Variants in TMC5 observed in about 807,000 individuals in gnomAD.
The protein encoded by TMC5 is transmembrane channel like 5.
Under a neutral mutation model 110.5 loss-of-function variants are expected in TMC5, and 86 were observed. The ratio of observed to expected loss-of-function variants is 0.78; its 90% CI spans 0.65 to 0.93. The LOEUF (loss-of-function observed/expected upper bound fraction) is 0.93, where lower values mean the gene tolerates loss of function less well. Ranked by LOEUF, TMC5 falls within the 40% of genes least tolerant of loss-of-function variation. The pLI, the probability that TMC5 is intolerant of heterozygous loss-of-function variation, is 0.00. For missense variants in TMC5, 1,144 were observed against 1,222.8 expected (o/e 0.94, Z 0.96); for synonymous variants, 455 against 439.5 (o/e 1.04, Z -0.44).
chr16:19,430,983 T>G (rs2010127), intron 2 of TMC5, among the ~76,000 whole-genome samples: 2 of 151,666 alleles, frequency 1.3e-5, no homozygotes, highest in African/African-American at 2.4e-5. Context: ...CTCAGCCTCC[T>G]GAGTACCTGA....
intron 20 of TMC5, among the ~76,000 whole-genome samples, chr16:19,496,082 C>T (rs1969044739): frequency 6.6e-6 from 1 of 150,440 alleles, no homozygotes. Flanking sequence ...CACTTGGACC[C>T]AGGAGGTGGA....
Position 19,490,518 on chromosome 16 carries a change from G to A in TMC5, c.2697G>A (p.Arg899=), listed in dbSNP as rs1406529220. 1.2e-6 allele frequency: 2 copies of A among 1,614,102 alleles called. No homozygotes were observed. Among genetic ancestry groups the A allele is most frequent in the Admixed American group, 1.7e-5 (1 of 59,998 alleles). ...ACCTGTGGGTTGTTTGGATCTATCGGAACCTCATTGGAAGTGTGCACTTCT... is the reference window on the plus strand; with the variant it reads ...ACCTGTGGGTTGTTTGGATCTATCGAAACCTCATTGGAAGTGTGCACTTCT... ...PGYLWVVWIY[R]NLIGSVHFFF... The change falls in exon 18 of 22, where the codon CGG becomes CGA. Residue 899 remains arginine (R), a synonymous_variant. Transcript: ENST00000542583.
At chr16:19,487,078 G>C in intron 16 of TMC5, 58 bp downstream of exon 16, 1 of 1,609,582 alleles carries the variant, frequency 6.2e-7, no homozygotes. Flanking sequence ...TGACCTGGTG[G>C]CGCTTAAAGC....
chr16:19,467,029 C>T (rs1407497903), intron 9 of TMC5, among the ~76,000 whole-genome samples: 2 of 151,936 alleles, frequency 1.3e-5, no homozygotes, highest in Non-Finnish European at 2.9e-5. Flanking sequence ...GCCTGTGTTC[C>T]CAGCTATTCG....
At chr16:19,437,174 C>G (rs779288719) in intron 2 of TMC5, among the ~76,000 whole-genome samples, 103 of 152,080 alleles carry the variant, frequency 6.8e-4, no homozygotes, top group Non-Finnish European at 1.4e-3. Flanking sequence ...GACCCTGTCT[C>G]AAAAAATAAA....
intron 5 of TMC5, among the ~76,000 whole-genome samples, chr16:19,454,468 T>C (rs1189245693): frequency 6.6e-6 from 1 of 152,222 alleles, no homozygotes; most frequent in Non-Finnish European, 1.5e-5. Context: ...TTGCTGGTTT[T>C]GTGACAAATT....
Position 19,472,192 on chromosome 16 carries a change from G to C in TMC5, c.1887G>C (p.Val629=), listed in dbSNP as rs1326046837. 2.6e-5 allele frequency: 42 copies of C among 1,614,060 alleles called. No individual in the cohort carries two copies. The highest frequency in any genetic ancestry group is 3.5e-5 in the Non-Finnish European group (41 of 1,180,050). Residue 629 remains valine (V), a synonymous_variant, in exon 11 of 22, where the codon GTG becomes GTC. Coordinates refer to ENST00000542583, the MANE Select transcript of TMC5 (RefSeq NM_001261841.2). The stretch of plus-strand genomic sequence containing the variant: ...TAGCCTGGGTTGTCTCTACAGGAGT[G>C]GCCATAGCCTGCTGTGCAGCCGTTT... ...YMVAWVVSTG[V]AIACCAAVYY... is the part of the protein sequence containing the mutation.
intron 6 of TMC5, among the ~76,000 whole-genome samples, chr16:19,462,776 T>C (rs911358450): frequency 2.0e-5 from 3 of 151,242 alleles, no homozygotes; most frequent in Non-Finnish European, 4.4e-5. Flanking sequence ...TGGGCGCCTG[T>C]AATCCCAGCT....
chr16:19,459,740 G>A (rs1263642847), intron 5 of TMC5, among the ~76,000 whole-genome samples: 1 of 151,476 alleles, frequency 6.6e-6, no homozygotes, highest in African/African-American at 2.4e-5. Context: ...AATGTAGTGA[G>A]ACCTCAGCTT....
intron 5 of TMC5, among the ~76,000 whole-genome samples, chr16:19,453,015 A>T (rs960027452): frequency 6.7e-6 from 1 of 149,166 alleles, no homozygotes; most frequent in Non-Finnish European, 1.5e-5. Context: ...TATATATTAT[A>T]TATATATATA....
Position 19,430,840 on chromosome 16 carries a change from C to T in TMC5, c.-80+200C>T, listed in dbSNP as rs373154981. 1.4e-3 allele frequency among the ~76,000 whole-genome samples: 208 copies of T among 149,480 alleles called. 1 individual carries two copies. The highest frequency in any genetic ancestry group is 5.1e-3 in the African/African-American group (205 of 40,520). The stretch of plus-strand genomic sequence containing the variant: ...TGGGACTAATTTCTTTCCTTCTCTC[C>T]ACTCTCTGCAATAAAAACAATTTTT... On this transcript the variant is annotated intron_variant, in intron 2 of 21. Transcript: ENST00000542583.
chr16:19,436,303 A>T (rs1028562495), intron 2 of TMC5, among the ~76,000 whole-genome samples: 27 of 148,580 alleles, frequency 1.8e-4, no homozygotes, highest in Non-Finnish European at 3.6e-4. Flanking sequence ...AAAGAAAAAG[A>T]AAAACAGTTT....
At position 19,490,561 on chromosome 16, in the gene TMC5, A is replaced by G; in HGVS notation, c.2740A>G (p.Ile914Val). ...SVHFFFILTLIVLIITYLYWQ... is the reference protein window; with the variant it reads ...SVHFFFILTLVVLIITYLYWQ... ...GCACTTCTTTTTCATCCTCACCCTCATTGTGCTGTGAGTGTGGTACCCGGG... is the reference window on the plus strand; with the variant it reads ...GCACTTCTTTTTCATCCTCACCCTCGTTGTGCTGTGAGTGTGGTACCCGGG... Residue 914 changes from isoleucine (I) to valine (V), a missense_variant, in exon 18 of 22, where the codon ATT becomes GTT. Coordinates refer to ENST00000542583, the MANE Select transcript of TMC5 (RefSeq NM_001261841.2). The G allele has an allele frequency of 6.2e-7, 1 of 1,613,894 alleles. No individual in the cohort carries two copies.
At chr16:19,458,853 G>A (rs551627976) in intron 5 of TMC5, among the ~76,000 whole-genome samples, 8 of 152,124 alleles carry the variant, frequency 5.3e-5, no homozygotes, top group Admixed American at 3.9e-4. Flanking sequence ...TGTATTTCCC[G>A]GCGGGCCATT....
chr16:19,471,973 C>A (rs1468171051), intron 10 of TMC5, 115 bp from the exon 11 acceptor site: 3 of 1,033,316 alleles, frequency 2.9e-6, no homozygotes, highest in Admixed American at 3.8e-5. Flanking sequence ...GTTGTCCAGG[C>A]TGGTCTCAAA....
At chr16:19,458,483 G>T (rs1414406379) in intron 5 of TMC5, among the ~76,000 whole-genome samples, 1 of 152,124 alleles carries the variant, frequency 6.6e-6, no homozygotes, top group Non-Finnish European at 1.5e-5. Context: ...AAAGTGCTGG[G>T]ATTACAGGTG....
chr16:19,438,390 C>CAAAAA (rs60807937), intron 2 of TMC5, among the ~76,000 whole-genome samples: 1 of 60,016 alleles, frequency 1.7e-5, no homozygotes, highest in African/African-American at 7.4e-5. Context: ...GACACCCTGT[C>CAAAAA]AAAAAAAAAA....
At chr16:19,420,476 G>T (rs1466716553) in intron 1 of TMC5, among the ~76,000 whole-genome samples, 1 of 151,402 alleles carries the variant, frequency 6.6e-6, no homozygotes, top group African/African-American at 2.4e-5. Context: ...AAAATTTTCT[G>T]TAGAGACAGA....
chr16:19,448,105 G>A (rs925777448), intron 4 of TMC5, among the ~76,000 whole-genome samples: 2 of 148,148 alleles, frequency 1.3e-5, no homozygotes, highest in African/African-American at 2.5e-5. Context: ...GCAGTGAGCC[G>A]AGATTGCGTC....
Sources: allele counts gnomAD v4.1 joint callset (sites outside exome capture counted in the v4.1 genomes callset), GRCh38; gene constraint gnomAD v4.1.1; transcripts MANE v1.5; gene names NCBI Gene and HGNC (gene_info 2026-07-23, HGNC 2026-07-21).